Variants in PSTPIP1 observed in about 807,000 individuals in gnomAD.
PSTPIP1 encodes proline-serine-threonine phosphatase-interacting protein 1.
In PSTPIP1, 66 loss-of-function variants were observed where a neutral mutation model predicts 69.6. That is an observed-to-expected ratio of 0.95 (90% CI 0.78 to 1.16). PSTPIP1 has a LOEUF of 1.16. Ranked by LOEUF, PSTPIP1 falls within the 50% of genes most tolerant of loss-of-function variation. The probability of loss-of-function intolerance (pLI) is 0.00; values close to 1 mark genes in which losing one functional copy is unlikely to be tolerated. For missense variants in PSTPIP1, 603 were observed against 557.4 expected (o/e 1.08, Z -0.82); for synonymous variants, 266 against 222.7 (o/e 1.19, Z -1.73).
intron 3 of PSTPIP1, among the ~76,000 whole-genome samples, chr15:77,019,537 C>T (rs939286533): frequency 1.3e-5 from 2 of 152,190 alleles, no homozygotes; most frequent in Non-Finnish European, 2.9e-5. Flanking sequence ...TGGCATGAGC[C>T]GTGTGTGAGG....
chr15:77,028,682 G>A (rs2076345346), intron 7 of PSTPIP1, 30 bp downstream of exon 7: 3 of 1,510,808 alleles, frequency 2.0e-6, no homozygotes, highest in East Asian at 2.5e-5. Context: ...CGTGTGGGTC[G>A]CCCAGGGCTG....
rs190185032 is a variant in PSTPIP1 at position 76,996,482 on chromosome 15, T to C, written c.36+873T>C. Among the ~76,000 whole-genome samples, 324 of 152,306 alleles carry C rather than the reference T, an allele frequency of 2.1e-3. 2 individuals are homozygous for C. The highest frequency in any genetic ancestry group is 7.2e-3 in the African/African-American group (301 of 41,564). Reference sequence around the variant, plus strand: ...GGGGAATGTGGCTGTCCCGGGGTGCTGCCTCCAACCCCGAAGAGGACGCTC... The same window carrying C: ...GGGGAATGTGGCTGTCCCGGGGTGCCGCCTCCAACCCCGAAGAGGACGCTC... On this transcript the variant is annotated intron_variant, in intron 1 of 14. Transcript: ENST00000558012.
chr15:77,031,477 T>A, intron 10 of PSTPIP1, 199 bp downstream of exon 10: 1 of 493,274 alleles, frequency 2.0e-6, no homozygotes, highest in Non-Finnish European at 3.7e-6. Flanking sequence ...GGCCATGGCT[T>A]CTCTGCCTGG....
intron 1 of PSTPIP1, among the ~76,000 whole-genome samples, chr15:76,997,123 T>C (rs1011040149): frequency 6.6e-6 from 1 of 152,186 alleles, no homozygotes; most frequent in Admixed American, 6.5e-5. Context: ...GAGCAGGGTA[T>C]GGCAGCCGCA....
intron 3 of PSTPIP1, 129 bp from the exon 4 acceptor site, chr15:77,025,155 C>A: frequency 9.5e-7 from 1 of 1,053,890 alleles, no homozygotes; most frequent in Non-Finnish European, 1.5e-6. Context: ...TCCCTTGGTT[C>A]TAGAGTGACC....
At position 76,995,466 on chromosome 15, in the gene PSTPIP1, G is replaced by A. The variant is rs751980031; in HGVS notation, c.-108G>A. 3.2e-6 allele frequency: 5 copies of A among 1,584,654 alleles called. No individual in the cohort carries two copies. Among genetic ancestry groups the A allele is most frequent in the Middle Eastern group, 1.7e-4 (1 of 5,960 alleles). Reference sequence around the variant, plus strand: ...TGCAGACGGCGCCGGCCGGGAAGGGGGGCCTGGGCCAGCCCTGCCAGGACT... The same window carrying A: ...TGCAGACGGCGCCGGCCGGGAAGGGAGGCCTGGGCCAGCCCTGCCAGGACT... On this transcript the variant is annotated 5_prime_UTR_variant, in exon 1 of 15. Coordinates refer to ENST00000558012, the MANE Select transcript of PSTPIP1 (RefSeq NM_003978.5).
At chr15:77,014,645 C>G (rs939137371) in intron 1 of PSTPIP1, among the ~76,000 whole-genome samples, 1 of 152,182 alleles carries the variant, frequency 6.6e-6, no homozygotes, top group Non-Finnish European at 1.5e-5. Flanking sequence ...GAGTTATGGG[C>G]GTGAAAAGGG....
chr15:77,010,349 C>A (rs900666560), intron 1 of PSTPIP1, among the ~76,000 whole-genome samples: 1 of 152,184 alleles, frequency 6.6e-6, no homozygotes, highest in African/African-American at 2.4e-5. Context: ...AGAGCCCCAC[C>A]AGGCACCGCA....
chr15:77,030,455 G>T, intron 8 of PSTPIP1, 47 bp from the exon 9 acceptor site: 1 of 1,582,324 alleles, frequency 6.3e-7, no homozygotes, highest in East Asian at 2.3e-5. Context: ...GTACAGGGGT[G>T]GAGGAGCTCG....
chr15:77,029,679 A>C lies in PSTPIP1; in HGVS notation c.562+105A>C, dbSNP rs936024575. ...ACACACACACTCCCCCTGGCTGCAC[A>C]ATCATGGGCGCGGCGCTCTCATTCC... On this transcript the variant is annotated intron_variant, in intron 8 of 14. Coordinates refer to ENST00000558012, the MANE Select transcript of PSTPIP1 (RefSeq NM_003978.5). 3.8e-6 allele frequency: 5 copies of C among 1,301,538 alleles called. No individual in the cohort carries two copies. In the African/African-American group the frequency reaches 7.5e-5, roughly 19 times the overall value. 80.6% of individuals were successfully genotyped at this position (1,301,538 alleles called of 1,614,324 possible).
chr15:77,004,580 G>A (rs140579815), intron 1 of PSTPIP1, among the ~76,000 whole-genome samples: 2,325 of 152,108 alleles, frequency 0.015, 30 homozygotes, highest in Middle Eastern at 0.054. Context: ...GTGGCCAGGC[G>A]TGGTGGCTCA....
intron 1 of PSTPIP1, chr15:77,008,100 GC>G: frequency 2.2e-6 from 1 of 455,400 alleles, no homozygotes; most frequent in South Asian, 1.6e-5. Context: ...CGGGAGATCA[GC>G]ACAGAAGTCT....
At chr15:77,030,627 GAGACGCCCATCCCTACTCCAGCTGCTTAA>G in intron 9 of PSTPIP1, 46 bp downstream of exon 9, 1 of 1,544,186 alleles carries the variant, frequency 6.5e-7, no homozygotes, top group Non-Finnish European at 8.8e-7. Flanking sequence ...TGGGAAGTGT[GAGACGCCCATCCCTACTCCAGCTGCTTAA>G]AGGGGCCCAA....
intron 1 of PSTPIP1, among the ~76,000 whole-genome samples, chr15:77,012,188 T>G (rs1263792844): frequency 2.0e-5 from 1 of 50,318 alleles, no homozygotes; most frequent in African/African-American, 7.7e-5. Context: ...CATTCACCCA[T>G]CCACCTGTCC....
At chr15:76,997,827 C>T (rs972553617) in intron 1 of PSTPIP1, among the ~76,000 whole-genome samples, 1 of 152,182 alleles carries the variant, frequency 6.6e-6, no homozygotes, top group Non-Finnish European at 1.5e-5. Context: ...CTACTCTGGC[C>T]ACAGGTGTTA....
At chr15:76,995,695 C>T (rs564622092) in intron 1 of PSTPIP1, 86 bp downstream of exon 1, 11 of 1,603,454 alleles carry the variant, frequency 6.9e-6, no homozygotes, top group South Asian at 5.5e-5. Context: ...GATGCGGCTC[C>T]GAGAGGGGAG....
At chr15:77,001,412 G>C (rs967133587) in intron 1 of PSTPIP1, among the ~76,000 whole-genome samples, 1 of 152,228 alleles carries the variant, frequency 6.6e-6, no homozygotes, top group African/African-American at 2.4e-5. Context: ...GTCAGGGCCT[G>C]TGGATGGGGC....
At chr15:77,029,904 T>A (rs1321497326) in intron 8 of PSTPIP1, among the ~76,000 whole-genome samples, 2 of 152,152 alleles carry the variant, frequency 1.3e-5, no homozygotes, top group African/African-American at 4.8e-5. Flanking sequence ...GCCATCGGGC[T>A]TCAGAGCCCA....
intron 1 of PSTPIP1, among the ~76,000 whole-genome samples, chr15:77,001,677 G>A (rs2075710793): frequency 6.6e-6 from 1 of 152,232 alleles, no homozygotes; most frequent in Non-Finnish European, 1.5e-5. Flanking sequence ...TCCTGATTGG[G>A]AAAGCTCTTT....
Sources: gnomAD v4.1 joint callset for allele counts (sites outside exome capture counted in the v4.1 genomes callset) on GRCh38, gnomAD v4.1.1 for gene constraint, MANE v1.5 for transcripts, NCBI Gene and HGNC (gene_info 2026-07-23, HGNC 2026-07-21) for gene names.